Variants in KIRREL2 observed in about 807,000 individuals in gnomAD.
The protein encoded by KIRREL2 is kirre like nephrin family adhesion molecule 2, also known as kin of IRRE-like protein 2.
A neutral mutation model predicts 73.4 loss-of-function variants in KIRREL2; 56 were observed. The observed-to-expected ratio is 0.76, with a 90% CI of 0.62 to 0.95. The LOEUF (loss-of-function observed/expected upper bound fraction) is 0.95. Ranked by LOEUF, KIRREL2 falls within the 40% of genes least tolerant of loss-of-function variation. The probability of loss-of-function intolerance (pLI) is 0.00; values close to 1 mark genes in which losing one functional copy is unlikely to be tolerated. For synonymous variants in KIRREL2, 407 were observed against 404.0 expected (o/e 1.01, Z -0.09); for missense variants, 896 against 935.0 (o/e 0.96, Z 0.54).
intron 4 of KIRREL2, 105 bp downstream of exon 4, chr19:35,858,969 G>T (rs1973551325): frequency 3.1e-6 from 4 of 1,286,868 alleles, no homozygotes; most frequent in Non-Finnish European, 3.3e-6. Flanking sequence ...GAGGGCAGAG[G>T]TTCATGGGTT....
upstream of KIRREL2, chr19:35,851,597 T>TC: frequency 6.2e-7 from 1 of 1,613,896 alleles, no homozygotes. Context: ...TGAGGCCCCC[T>TC]CCACCACCGT....
intron 9 of KIRREL2, 87 bp from the exon 10 acceptor site, chr19:35,861,454 G>A (rs2146865800): frequency 6.8e-7 from 1 of 1,479,746 alleles, no homozygotes. Context: ...GAGGTTAGCG[G>A]AGAGTGCGCT....
In KIRREL2 at chr19:35,860,941, G is replaced by A. The variant is rs1179754685; in HGVS notation, c.961G>A (p.Val321Met). 5 of 1,613,882 alleles carry A rather than the reference G, an allele frequency of 3.1e-6. No homozygotes were observed. Among genetic ancestry groups the A allele is most frequent in the Middle Eastern group, 1.6e-4 (1 of 6,082 alleles). The change falls in exon 8 of 15, where the codon GTG (valine) becomes ATG (methionine). Residue 321 changes from valine to methionine, a missense_variant. Physicochemically the swap from Val to Met is conservative, Grantham distance 21 (BLOSUM62 1). Coordinates refer to ENST00000360202, the MANE Select transcript of KIRREL2 (RefSeq NM_199180.4). ...GATTCTGCAGGCAAAGCCGGAGCCCGTGTCCGTGGACGTGGGGGAAGACGC... is the reference window on the plus strand; with the variant it reads ...GATTCTGCAGGCAAAGCCGGAGCCCATGTCCGTGGACGTGGGGGAAGACGC... The part of the protein sequence containing the change: ...GPILQAKPEP[V>M]SVDVGEDASF...
chr19:35,860,261 G>A (rs781498150), intron 5 of KIRREL2, 36 bp from the exon 6 acceptor site: 22 of 1,575,090 alleles, frequency 1.4e-5, no homozygotes, highest in Non-Finnish European at 1.9e-5. Flanking sequence ...GGTGTTCCTG[G>A]TCCTTGCCCA....
At chr19:35,857,223 G>GGGGGGGGGGGC in intron 1 of KIRREL2, 43 bp downstream of exon 1, 1 of 1,496,066 alleles carries the variant, frequency 6.7e-7, no homozygotes, top group South Asian at 1.1e-5. Flanking sequence ...TGGGGGTGGG[G>GGGGGGGGGGGC]AGTTGCTTGC....
upstream of KIRREL2, among the ~76,000 whole-genome samples, chr19:35,856,263 CG>C (rs1973419314): frequency 6.6e-6 from 1 of 152,194 alleles, no homozygotes; most frequent in Admixed American, 6.5e-5. This position sits in a 1 kb window ranked among gnomAD's most constrained non-coding sequence, Gnocchi z 5.9. Context: ...CAGCCGTCGC[CG>C]GGCAACCAGG....
intron 9 of KIRREL2, 41 bp from the exon 10 acceptor site, chr19:35,861,500 G>A (rs1186999577): frequency 6.3e-7 from 1 of 1,595,050 alleles, no homozygotes; most frequent in Admixed American, 1.7e-5. Flanking sequence ...TTTGGGGAGG[G>A]CAAGACCTCT....
At position 35,865,451 on chromosome 19, in the gene KIRREL2, G is replaced by A. The variant is rs79378689; in HGVS notation, c.1792-706G>A. On this transcript the variant is annotated intron_variant, in intron 14 of 14. Coordinates refer to ENST00000360202, the MANE Select transcript of KIRREL2 (RefSeq NM_199180.4). ...CAGGCGTGAGCCACTGTGCCCAGCC[G>A]ACATGCCATTCTCTTGGCCTGAAAC... Among the ~76,000 whole-genome samples, 1,407 of 152,066 alleles carry A rather than the reference G, an allele frequency of 9.3e-3. 19 individuals are homozygous for A. The highest frequency in any genetic ancestry group is 0.032 in the African/African-American group (1,314 of 41,492).
chr19:35,862,046 C>A, intron 11 of KIRREL2, 22 bp downstream of exon 11: 1 of 1,585,208 alleles, frequency 6.3e-7, no homozygotes. Context: ...GCCCGAAGAC[C>A]CCAAATCTGG....
intron 14 of KIRREL2, among the ~76,000 whole-genome samples, chr19:35,865,854 T>G (rs1197206269): frequency 6.6e-6 from 1 of 152,212 alleles, no homozygotes; most frequent in South Asian, 2.1e-4. Flanking sequence ...GCCTAGAGGC[T>G]GTTGGGCAGG....
rs2146857418 is a variant in KIRREL2, at chr19:35,859,649, T to G, written c.673+18T>G. ...CCTGCAGTGTGAGTGCAGCTGGCCC[T>G]GGGAAAGAGGGGTGTGGGGCCCTGA... is the stretch of plus-strand genomic sequence containing the variant. On this transcript the variant is annotated intron_variant, in intron 5 of 14. Coordinates refer to ENST00000360202, the MANE Select transcript of KIRREL2 (RefSeq NM_199180.4). The G allele has an allele frequency of 6.2e-7, 1 of 1,612,086 alleles. No individual in the cohort carries two copies. Among genetic ancestry groups the G allele is most frequent in the Non-Finnish European group, 8.5e-7 (1 of 1,179,200 alleles).
chr19:35,853,083 C>A (rs1973316253), upstream of KIRREL2, among the ~76,000 whole-genome samples: 1 of 150,772 alleles, frequency 6.6e-6, no homozygotes, highest in South Asian at 2.1e-4. Context: ...ACATGAGCCA[C>A]CGCACCTGGC....
At chr19:35,859,211 G>A (rs188078351) in intron 4 of KIRREL2, among the ~76,000 whole-genome samples, 240 of 152,322 alleles carry the variant, frequency 1.6e-3, no homozygotes, top group African/African-American at 5.1e-3. Context: ...CCAATACATA[G>A]TGAGCACTAT....
chr19:35,863,283 G>T (rs1028363522), intron 13 of KIRREL2, among the ~76,000 whole-genome samples: 3 of 152,094 alleles, frequency 2.0e-5, no homozygotes, highest in African/African-American at 7.2e-5. Context: ...AATGAACCGG[G>T]TATGGTGGCA....
In KIRREL2 at chr19:35,863,424, A is replaced by ATTTTTTT. The variant is rs1410982721; in HGVS notation, c.1725+400_1725+406dup. On this transcript the variant is annotated intron_variant, in intron 13 of 14. Transcript: ENST00000360202. ...GGCTACAGAGCAAGACCCTGTCTCC[A>ATTTTTTT]TTTTTTTTTTTTTTTTTTATGTAGG... Among the ~76,000 whole-genome samples, 367 of 120,314 alleles carry ATTTTTTT rather than the reference A, an allele frequency of 3.1e-3. 3 individuals carry two copies. Among genetic ancestry groups the ATTTTTTT allele is most frequent in the Middle Eastern group, 0.014 (3 of 208 alleles). The allele number at this position is 120,314 out of a possible 152,430, so 78.9% of individuals were successfully genotyped here.
In KIRREL2 at chr19:35,858,845, A is replaced by T; in HGVS notation, c.503A>T (p.Asp168Val). Residue 168 changes from aspartate to valine, a missense_variant, in exon 4 of 15, where the codon GAT (aspartate) becomes GTT (valine). Transcript: ENST00000360202. ...LLWFRDGVLL[D>V]GATFHQTLLK... ...TGGTTCCGAGATGGGGTCCTGTTGGATGGAGCCACCTTCCATCAGGTCAGG... is the reference window on the plus strand; with the variant it reads ...TGGTTCCGAGATGGGGTCCTGTTGGTTGGAGCCACCTTCCATCAGGTCAGG... 6.2e-7 allele frequency: 1 copy of T among 1,614,116 alleles called. No individual in the cohort carries two copies.
rs567248829 is a variant in KIRREL2, at chr19:35,858,472, C to T, written c.276C>T (p.Pro92=). Residue 92 remains proline, a synonymous_variant, in exon 3 of 15, where the codon CCC becomes CCT. Transcript: ENST00000360202. ...GCCAGCATGACCTCCACATTAGGCC[C>T]GTGGAGCTAGAGGATGAAGCATCAT... ...ANGQHDLHIR[P]VELEDEASYE... 1.4e-5 allele frequency: 22 copies of T among 1,614,112 alleles called. No homozygotes were observed. The highest frequency in any genetic ancestry group is 6.7e-5 in the Admixed American group (4 of 60,014).
rs1424452568 is a variant in KIRREL2, at chr19:35,867,120, A to G, written c.*628A>G. 1 of 153,200 alleles carries G rather than the reference A, an allele frequency of 6.5e-6. No individual in the cohort carries two copies. Among genetic ancestry groups the G allele is most frequent in the Non-Finnish European group, 1.5e-5 (1 of 68,896 alleles). 9.5% of individuals were successfully genotyped at this position (153,200 alleles called of 1,614,324 possible). ...AAAATATTTATGTTTAATAATAAAA[A>G]AAAGTCAAAGAGGCAAGTGTGTCTT... On this transcript the variant is annotated 3_prime_UTR_variant, in exon 15 of 15. Coordinates refer to ENST00000360202, the MANE Select transcript of KIRREL2 (RefSeq NM_199180.4).
upstream of KIRREL2, among the ~76,000 whole-genome samples, chr19:35,852,565 C>G (rs560366485): frequency 2.0e-5 from 3 of 151,928 alleles, no homozygotes; most frequent in African/African-American, 7.3e-5. Context: ...GCCCAGCAGG[C>G]TCCTCCCAGC....
Sources: allele counts gnomAD v4.1 joint callset (sites outside exome capture counted in the v4.1 genomes callset), GRCh38; gene constraint gnomAD v4.1.1; non-coding constraint Gnocchi (gnomAD v3.1); transcripts MANE v1.5; gene names NCBI Gene and HGNC (gene_info 2026-07-23, HGNC 2026-07-21).